RIC1: variants seen among roughly 807,000 people sequenced by gnomAD.
The protein encoded by RIC1 is RIC1 partner of RAB6A GEF complex.
Under a neutral mutation model 169.0 loss-of-function variants are expected in RIC1, and 88 were observed. That is an observed-to-expected ratio of 0.52 (90% CI 0.44 to 0.62). RIC1 has a LOEUF of 0.62. Among genes scored for constraint, RIC1 ranks in the 20% least tolerant of loss-of-function variants. The pLI, the probability that RIC1 is intolerant of heterozygous loss-of-function variation, is 0.00. For synonymous variants in RIC1, 790 were observed against 601.5 expected (o/e 1.31, Z -4.59); for missense variants, 1,877 against 1,725.5 (o/e 1.09, Z -1.56).
chr9:5,638,293 T>C (rs755195714), intron 1 of RIC1, among the ~76,000 whole-genome samples: 25 of 152,238 alleles, frequency 1.6e-4, no homozygotes, highest in Admixed American at 7.9e-4. Flanking sequence ...TCAGAAATAT[T>C]GACCTGTAGT....
At chr9:5,676,602 A>G (rs905711488) in intron 2 of RIC1, among the ~76,000 whole-genome samples, 1 of 152,166 alleles carries the variant, frequency 6.6e-6, no homozygotes, top group African/African-American at 2.4e-5. Context: ...TTTCTGCATC[A>G]TTATTAGAGC....
chr9:5,690,748 A>T (rs1056229544), intron 3 of RIC1, among the ~76,000 whole-genome samples: 2 of 152,078 alleles, frequency 1.3e-5, no homozygotes, highest in Admixed American at 1.3e-4. Context: ...ATTAACAGCA[A>T]ATAACTTGGG....
intron 3 of RIC1, among the ~76,000 whole-genome samples, chr9:5,697,538 C>G (rs1821974460): frequency 6.6e-6 from 1 of 152,088 alleles, no homozygotes; most frequent in African/African-American, 2.4e-5. Flanking sequence ...TATATTTAAG[C>G]ACATCCAAGA....
intron 6 of RIC1, among the ~76,000 whole-genome samples, chr9:5,722,350 T>TGA (rs1357091296): frequency 1.3e-5 from 1 of 79,526 alleles, no homozygotes; most frequent in Non-Finnish European, 2.6e-5. Flanking sequence ...AGAGAGAGAG[T>TGA]GTGTGTGTGT....
intron 1 of RIC1, among the ~76,000 whole-genome samples, chr9:5,639,455 A>G (rs1161760635): frequency 1.3e-5 from 2 of 152,212 alleles, no homozygotes; most frequent in East Asian, 3.8e-4. Flanking sequence ...ATGAGAGAAG[A>G]TGCTTGATAT....
intron 6 of RIC1, among the ~76,000 whole-genome samples, chr9:5,727,155 A>G (rs138311510): frequency 4.7e-4 from 72 of 152,292 alleles, no homozygotes; most frequent in Admixed American, 1.8e-3. Context: ...GTGTTTTCCA[A>G]CTTGGTTCCA....
At chr9:5,633,371 A>T (rs181418379) in intron 1 of RIC1, among the ~76,000 whole-genome samples, 1 of 152,238 alleles carries the variant, frequency 6.6e-6, no homozygotes, top group East Asian at 1.9e-4. Flanking sequence ...TCTAGGGTTC[A>T]CTGTTGATGA....
At chr9:5,659,029 C>G (rs1695946281) in intron 2 of RIC1, among the ~76,000 whole-genome samples, 1 of 151,954 alleles carries the variant, frequency 6.6e-6, no homozygotes, top group South Asian at 2.1e-4. Context: ...GGGAAAAGTA[C>G]TTTAAACCCC....
chr9:5,749,764 CTTTTTTTTTTTTTTTT>C (rs769556596), intron 12 of RIC1, among the ~76,000 whole-genome samples: 1 of 36,302 alleles, frequency 2.8e-5, no homozygotes, highest in Non-Finnish European at 4.7e-5. Context: ...AAAGGCGGTG[CTTTTTTTTTTTTTTTT>C]TTTTTTTTTT....
rs752235547 is a variant in RIC1, at chr9:5,768,952, T to C, written c.3138-18T>C. 1.4e-5 allele frequency: 23 copies of C among 1,589,650 alleles called. No individual in the cohort carries two copies. The South Asian group carries it at 2.5e-4, about 17-fold the overall frequency. On this transcript the variant is annotated intron_variant, in intron 21 of 25. Transcript: ENST00000414202. Reference sequence around the variant, plus strand: ...CAGTAAAGATTATTCTGTAGCTTTCTTGTGTTTCCACTTACAGATGGAGCA... The same window carrying C: ...CAGTAAAGATTATTCTGTAGCTTTCCTGTGTTTCCACTTACAGATGGAGCA...
chr9:5,671,379 G>A (rs543846672), intron 2 of RIC1, among the ~76,000 whole-genome samples: 1 of 151,788 alleles, frequency 6.6e-6, no homozygotes, highest in Admixed American at 6.6e-5. Context: ...GGTTCAAGCA[G>A]TTCTCCCTGC....
intron 25 of RIC1, 34 bp from the exon 26 acceptor site, chr9:5,773,924 G>T: frequency 6.6e-7 from 1 of 1,525,578 alleles, no homozygotes; most frequent in South Asian, 1.3e-5. Context: ...TTTGAATTAT[G>T]GCAGATGAGC....
chr9:5,758,625 CCT>C (rs1286693762), intron 17 of RIC1, among the ~76,000 whole-genome samples: 4 of 152,034 alleles, frequency 2.6e-5, no homozygotes, highest in African/African-American at 9.6e-5. Context: ...TCTCCTCAAA[CCT>C]CTCTGTCATC....
intron 12 of RIC1, among the ~76,000 whole-genome samples, chr9:5,749,050 C>G (rs1170630222): frequency 6.6e-6 from 1 of 152,014 alleles, no homozygotes; most frequent in Non-Finnish European, 1.5e-5. Flanking sequence ...GCTGGAAGGA[C>G]CTAAGAGATC....
chr9:5,768,874 A>G lies in RIC1; in HGVS notation c.3138-96A>G, dbSNP rs982152718. The G allele has an allele frequency of 4.8e-5, 63 of 1,313,190 alleles. No individual in the cohort carries two copies. The South Asian group carries it at 6.9e-4, about 14-fold the overall frequency. 81.3% of individuals were successfully genotyped at this position (1,313,190 alleles called of 1,614,324 possible). A position where few individuals can be genotyped will look rare whatever the true frequency, so the allele number is the denominator to read the frequency against. Reference sequence around the variant, plus strand: ...ATCAGAATTAGATCTTGGATCTCTTATCTCCTTGTCAGCTTTATCAGTACC... The same window carrying G: ...ATCAGAATTAGATCTTGGATCTCTTGTCTCCTTGTCAGCTTTATCAGTACC... On this transcript the variant is annotated intron_variant, in intron 21 of 25. Transcript: ENST00000414202.
chr9:5,770,171 G>C lies in RIC1; in HGVS notation c.3509G>C (p.Ser1170Thr). ...GCTGGCATCTCCAACATCCAGCGAAGTCAGAGCTGGCTCAGCAACATTGGC... is the reference window on the plus strand; with the variant it reads ...GCTGGCATCTCCAACATCCAGCGAACTCAGAGCTGGCTCAGCAACATTGGC... Reference protein sequence around the residue: ...MDAGISNIQRSQSWLSNIGPT... With the variant: ...MDAGISNIQRTQSWLSNIGPT... The change falls in exon 23 of 26, where the codon AGT becomes ACT. Residue 1170 changes from serine to threonine, a missense_variant. Physicochemically the swap from Ser to Thr is moderately conservative, Grantham distance 58. Around this residue, in one of 3 missense-constraint regions of RIC1, gnomAD observed 681 missense variants for 582.0 expected, o/e 1.17. Transcript: ENST00000414202. 1 of 1,613,942 alleles carries C rather than the reference G, an allele frequency of 6.2e-7. No individual in the cohort carries two copies. Among genetic ancestry groups the C allele is most frequent in the Non-Finnish European group, 8.5e-7 (1 of 1,179,914 alleles).
chr9:5,672,083 C>T (rs1820141523), intron 2 of RIC1, among the ~76,000 whole-genome samples: 1 of 152,182 alleles, frequency 6.6e-6, no homozygotes, highest in South Asian at 2.1e-4. Context: ...CCCTTCTACT[C>T]AGAGACAGTG....
intron 6 of RIC1, among the ~76,000 whole-genome samples, chr9:5,721,068 T>G (rs1214170372): frequency 3.3e-5 from 5 of 152,226 alleles, no homozygotes; most frequent in African/African-American, 1.2e-4. Flanking sequence ...TTTTAGTTCT[T>G]AGGCTGTGTT....
chr9:5,664,709 C>G lies in RIC1; in HGVS notation c.252+8019C>G, dbSNP rs151163152. Among the ~76,000 whole-genome samples the G allele has an allele frequency of 1.9e-3, 287 of 152,298 alleles. 1 individual carries two copies. The East Asian group carries it at 0.023, about 12-fold the overall frequency. ...TGGATGATATCCTGAAATATGTTTT[C>G]CAACTTCGTTCCATTCTCCCCATCT... On this transcript the variant is annotated intron_variant, in intron 2 of 25. Coordinates refer to ENST00000414202, the MANE Select transcript of RIC1 (RefSeq NM_020829.4).
Sources: allele counts gnomAD v4.1 joint callset (sites outside exome capture counted in the v4.1 genomes callset), GRCh38; gene constraint gnomAD v4.1.1; regional missense constraint gnomAD v4.1.1; transcripts MANE v1.5; gene names NCBI Gene and HGNC (gene_info 2026-07-23, HGNC 2026-07-21).